Variants in SLMAP observed in about 807,000 individuals in gnomAD.
The protein encoded by SLMAP is sarcolemmal membrane-associated protein.
Under a neutral mutation model 128.8 loss-of-function variants are expected in SLMAP, and 44 were observed. The observed-to-expected ratio is 0.34, with a 90% confidence interval of 0.27 to 0.44. SLMAP has a LOEUF of 0.44. SLMAP is among the 20% of genes least tolerant of loss of function. SLMAP has a pLI of 1.00. For synonymous variants in SLMAP, 327 were observed against 348.8 expected (o/e 0.94, Z 0.70); for missense variants, 787 against 985.3 (o/e 0.80, Z 2.69).
At chr3:57,760,240 A>G (rs909538069) in intron 2 of SLMAP, among the ~76,000 whole-genome samples, 7 of 152,226 alleles carry the variant, frequency 4.6e-5, no homozygotes, top group Non-Finnish European at 8.8e-5. Context: ...ACACCCGGCC[A>G]TGAAATTAGT....
chr3:57,909,503 GAA>G (rs558353210), intron 19 of SLMAP, among the ~76,000 whole-genome samples: 2 of 126,174 alleles, frequency 1.6e-5, no homozygotes, highest in African/African-American at 6.0e-5. Context: ...CTCCATCTCA[GAA>G]AAAAAAAAAA....
At chr3:57,922,629 A>G (rs1311236324) in intron 22 of SLMAP, among the ~76,000 whole-genome samples, 3 of 151,882 alleles carry the variant, frequency 2.0e-5, no homozygotes, top group African/African-American at 7.3e-5. Flanking sequence ...GGGTTTCTTC[A>G]TGTTGGTCAG....
chr3:57,847,596 A>T lies in SLMAP; in HGVS notation c.456+363A>T, dbSNP rs531695367. The stretch of plus-strand genomic sequence containing the variant: ...AATAGTTCACTCAACATTTCCCAAT[A>T]CAGGGAGGTAATACAGAAATACAGG... On this transcript the variant is annotated intron_variant, in intron 5 of 24. Coordinates refer to ENST00000671191, the MANE Select transcript of SLMAP (RefSeq NM_001377540.1). 3.3e-5 allele frequency among the ~76,000 whole-genome samples: 5 copies of T among 152,336 alleles called. No individual in the cohort carries two copies. The East Asian group carries it at 9.6e-4, about 29-fold the overall frequency.
chr3:57,842,452 G>A (rs1560194363), intron 4 of SLMAP, among the ~76,000 whole-genome samples: 2 of 151,794 alleles, frequency 1.3e-5, no homozygotes, highest in Non-Finnish European at 2.9e-5. Context: ...TAAACTTTAG[G>A]AAGTTTAATA....
intron 15 of SLMAP, among the ~76,000 whole-genome samples, chr3:57,892,264 G>A (rs1291896122): frequency 2.6e-5 from 4 of 152,100 alleles, no homozygotes; most frequent in Admixed American, 1.3e-4. Context: ...TTCTTGTTTG[G>A]ACTGAAAATA....
Position 57,882,299 on chromosome 3 carries a change from A to G in SLMAP, c.1301-7742A>G, listed in dbSNP as rs2095765616. 2.0e-5 allele frequency among the ~76,000 whole-genome samples: 3 copies of G among 152,176 alleles called. No homozygotes were observed. The South Asian group carries it at 6.2e-4, about 32-fold the overall frequency. ...TTTACAAGCTCTTGAGGAGACAAAA[A>G]ATAATAAACCAAAAAATTAATATGT... On this transcript the variant is annotated intron_variant, in intron 14 of 24. Transcript: ENST00000671191.
At chr3:57,811,435 G>C (rs187827076) in intron 2 of SLMAP, among the ~76,000 whole-genome samples, 2 of 152,080 alleles carry the variant, frequency 1.3e-5, no homozygotes, top group Non-Finnish European at 2.9e-5. Context: ...CCTTTCTAAG[G>C]CTGAATAATA....
intron 2 of SLMAP, among the ~76,000 whole-genome samples, chr3:57,778,071 G>A (rs1033547238): frequency 3.3e-5 from 5 of 152,080 alleles, no homozygotes; most frequent in Admixed American, 1.3e-4. Flanking sequence ...TGAAGTATTC[G>A]TCTTAAATGC....
chr3:57,921,334 T>G (rs2096913797), intron 22 of SLMAP, among the ~76,000 whole-genome samples: 1 of 152,152 alleles, frequency 6.6e-6, no homozygotes, highest in Admixed American at 6.5e-5. Context: ...TAAAAATTTC[T>G]ACTAGAAACA....
chr3:57,910,653 T>G (rs2096672373), intron 19 of SLMAP, among the ~76,000 whole-genome samples: 1 of 152,210 alleles, frequency 6.6e-6, no homozygotes. Flanking sequence ...ACTTCAAGCT[T>G]GAGCTCCTGG....
chr3:57,922,637 C>G (rs927070265), intron 22 of SLMAP, among the ~76,000 whole-genome samples: 1 of 152,112 alleles, frequency 6.6e-6, no homozygotes, highest in African/African-American at 2.4e-5. Flanking sequence ...TCATGTTGGT[C>G]AGGCTAATCT....
At chr3:57,843,779 T>C (rs1239070449) in intron 4 of SLMAP, among the ~76,000 whole-genome samples, 15 of 135,866 alleles carry the variant, frequency 1.1e-4, no homozygotes, top group South Asian at 5.0e-4. Flanking sequence ...TTCTTTCTTT[T>C]TTTTTTTTTT....
rs200316061 is a variant in SLMAP, at chr3:57,780,979, CAT to C, written c.198+23140_198+23141del. Among the ~76,000 whole-genome samples, 434 of 150,826 alleles carry C rather than the reference CAT, an allele frequency of 2.9e-3. 1 individual carries two copies. Among genetic ancestry groups the C allele is most frequent in the African/African-American group, 1.0e-2 (410 of 41,104 alleles). On this transcript the variant is annotated intron_variant, in intron 2 of 24. Transcript: ENST00000671191. ...AGATAGAATAAGATATATACATACA[CAT>C]ATATATATACCTATGTATGCACATA...
At chr3:57,887,061 A>AT (rs2095909608) in intron 14 of SLMAP, among the ~76,000 whole-genome samples, 1 of 152,068 alleles carries the variant, frequency 6.6e-6, no homozygotes, top group Non-Finnish European at 1.5e-5. Flanking sequence ...TGTTATGTGA[A>AT]TTTCACCTCA....
chr3:57,888,379 C>CTT (rs1226343304), intron 14 of SLMAP, among the ~76,000 whole-genome samples: 3 of 152,042 alleles, frequency 2.0e-5, no homozygotes, highest in African/African-American at 7.2e-5. Context: ...AATCCTAGCA[C>CTT]TTTGGGAGGC....
intron 21 of SLMAP, 123 bp from the exon 22 acceptor site, chr3:57,916,783 A>G (rs759054457): frequency 1.3e-5 from 9 of 713,430 alleles, no homozygotes; most frequent in Non-Finnish European, 1.8e-5. Context: ...ATTCTTTTTT[A>G]TACTTTTCTT....
intron 15 of SLMAP, 65 bp from the exon 16 acceptor site, chr3:57,896,446 A>T: frequency 6.7e-7 from 1 of 1,492,896 alleles, no homozygotes; most frequent in Non-Finnish European, 8.9e-7. Context: ...CATAGCCTGA[A>T]GCAGTTTTAT....
chr3:57,892,803 C>CACACACAT (rs2096120249), intron 15 of SLMAP, among the ~76,000 whole-genome samples: 1 of 149,170 alleles, frequency 6.7e-6, no homozygotes, highest in South Asian at 2.1e-4. Context: ...CACACACACA[C>CACACACAT]ACACACATAC....
At chr3:57,858,470 A>G (rs1019131358) in intron 8 of SLMAP, among the ~76,000 whole-genome samples, 1 of 152,186 alleles carries the variant, frequency 6.6e-6, no homozygotes, top group Non-Finnish European at 1.5e-5. Context: ...CACTCCATAA[A>G]GTAGTAGTTC....
Sources: gnomAD v4.1 joint callset for allele counts (sites outside exome capture counted in the v4.1 genomes callset) on GRCh38, gnomAD v4.1.1 for gene constraint, MANE v1.5 for transcripts, NCBI Gene and HGNC (gene_info 2026-07-23, HGNC 2026-07-21) for gene names.